Variants in SLCO3A1 observed in about 807,000 individuals in gnomAD.
The protein encoded by SLCO3A1 is solute carrier organic anion transporter family member 3A1.
A neutral mutation model predicts 63.1 loss-of-function variants in SLCO3A1; 27 were observed. That is an observed-to-expected ratio of 0.43 (90% CI 0.32 to 0.59). The LOEUF is 0.59. Among genes scored for constraint, SLCO3A1 ranks in the 20% least tolerant of loss-of-function variants. SLCO3A1 has a pLI of 0.09. For synonymous variants in SLCO3A1, 473 were observed against 409.9 expected, an observed-to-expected ratio of 1.15 and a Z score of -1.86; for missense variants, 773 against 945.8, an observed-to-expected ratio of 0.82 and a Z score of 2.40.
At chr15:92,095,532 TC>T (rs1289062219) in intron 3 of SLCO3A1, among the ~76,000 whole-genome samples, 2 of 152,208 alleles carry the variant, frequency 1.3e-5, no homozygotes, top group East Asian at 1.9e-4. Context: ...GAACCTGTGT[TC>T]TTAGCAGGAA....
At chr15:91,955,244 T>C (rs373575658) in intron 2 of SLCO3A1, among the ~76,000 whole-genome samples, 1 of 152,100 alleles carries the variant, frequency 6.6e-6, no homozygotes, top group Admixed American at 6.6e-5. Flanking sequence ...CAAGATGTGG[T>C]AGGGTTGGGA....
intron 2 of SLCO3A1, among the ~76,000 whole-genome samples, chr15:92,048,717 G>C (rs985117140): frequency 1.3e-5 from 2 of 152,146 alleles, no homozygotes; most frequent in African/African-American, 4.8e-5. Context: ...TGGCCAACAT[G>C]GTGAAACCCC....
chr15:91,911,925 G>A (rs900408469), intron 1 of SLCO3A1, among the ~76,000 whole-genome samples: 2 of 151,952 alleles, frequency 1.3e-5, no homozygotes, highest in Non-Finnish European at 1.5e-5. Flanking sequence ...GCGCCCGGCC[G>A]GGACATCTAT....
intron 2 of SLCO3A1, among the ~76,000 whole-genome samples, chr15:91,993,408 T>G (rs2046151686): frequency 6.6e-6 from 1 of 152,186 alleles, no homozygotes; most frequent in African/African-American, 2.4e-5. Flanking sequence ...ATAGAGATAA[T>G]GACTTAGAGT....
intron 2 of SLCO3A1, among the ~76,000 whole-genome samples, chr15:92,069,005 C>T (rs2047183685): frequency 6.6e-6 from 1 of 152,080 alleles, no homozygotes; most frequent in African/African-American, 2.4e-5. Flanking sequence ...CTGTGCTGGG[C>T]GATAGGGAGA....
At chr15:91,926,608 CG>C (rs1567189465) in intron 2 of SLCO3A1, among the ~76,000 whole-genome samples, 89 of 84,382 alleles carry the variant, frequency 1.1e-3, no homozygotes, top group East Asian at 6.5e-3. Context: ...CGCGCGCGCA[CG>C]CCCATGCTTA....
chr15:92,006,050 G>A (rs998855169), intron 2 of SLCO3A1, among the ~76,000 whole-genome samples: 2 of 152,138 alleles, frequency 1.3e-5, no homozygotes, highest in African/African-American at 4.8e-5. Flanking sequence ...TCTGTTAGCA[G>A]CTGAGTTGCT....
chr15:92,072,105 A>G (rs767337335), intron 2 of SLCO3A1, among the ~76,000 whole-genome samples: 2 of 152,150 alleles, frequency 1.3e-5, no homozygotes, highest in Non-Finnish European at 2.9e-5. Flanking sequence ...CAGTTAGTTC[A>G]TAGGTTTCAA....
intron 2 of SLCO3A1, among the ~76,000 whole-genome samples, chr15:91,995,365 G>C (rs2046178420): frequency 6.6e-6 from 1 of 152,152 alleles, no homozygotes. Context: ...TCCTTGTGAG[G>C]AGCCCATGGG....
In SLCO3A1 at chr15:91,916,376, C is replaced by T. The variant is rs1255779219; in HGVS notation, c.564C>T (p.Gly188=). The T allele has an allele frequency of 2.5e-6, 4 of 1,612,830 alleles. No homozygotes were observed. Among genetic ancestry groups the T allele is most frequent in the Non-Finnish European group, 3.4e-6 (4 of 1,179,764 alleles). Residue 188 remains glycine (G), a synonymous_variant, in exon 2 of 10, where the codon GGC becomes GGT. Coordinates refer to ENST00000318445, the MANE Select transcript of SLCO3A1 (RefSeq NM_013272.4). This position sits in a 1 kb window ranked among gnomAD's most constrained non-coding sequence, Gnocchi z 6.2. The part of the protein sequence containing the change: ...LLLIGAQVLL[G]IGATPVQPLG... ...TCATTGGGGCCCAGGTGCTCCTGGGCATCGGTGCTACCCCTGTGCAGCCCC... is the reference window on the plus strand; with the variant it reads ...TCATTGGGGCCCAGGTGCTCCTGGGTATCGGTGCTACCCCTGTGCAGCCCC...
chr15:91,926,604 C>CGT (rs1899036956), intron 2 of SLCO3A1, among the ~76,000 whole-genome samples: 2 of 43,670 alleles, frequency 4.6e-5, no homozygotes, highest in East Asian at 2.4e-3. Context: ...TGTGCGCGCG[C>CGT]GCACGCCCAT....
rs1186010103 is a variant in SLCO3A1, at chr15:91,865,515, A to C, written c.180+11427A>C. ...TTTTTGTCTGACAGTCCTGCAGGCC[A>C]GAAGTCTGAAATCAGGGCATCAGCA... On this transcript the variant is annotated intron_variant, in intron 1 of 9. Coordinates refer to ENST00000318445, the MANE Select transcript of SLCO3A1 (RefSeq NM_013272.4). This position sits in a 1 kb window ranked among gnomAD's most constrained non-coding sequence, Gnocchi z 4.6. Among the ~76,000 whole-genome samples the C allele has an allele frequency of 6.6e-6, 1 of 152,242 alleles. No homozygotes were observed. Among genetic ancestry groups the C allele is most frequent in the Admixed American group, 6.5e-5 (1 of 15,290 alleles).
chr15:91,901,904 A>T (rs1898166681), intron 1 of SLCO3A1, among the ~76,000 whole-genome samples: 1 of 147,702 alleles, frequency 6.8e-6, no homozygotes. Context: ...TATTTCTTCA[A>T]TTTTTTTTTC....
At chr15:92,094,794 T>G (rs988592542) in intron 2 of SLCO3A1, 87 bp from the exon 3 acceptor site, 1 of 818,516 alleles carries the variant, frequency 1.2e-6, no homozygotes, top group Non-Finnish European at 2.1e-6. Flanking sequence ...ATCTCATCAA[T>G]GTAAAATAAT....
intron 2 of SLCO3A1, among the ~76,000 whole-genome samples, chr15:92,063,109 G>A (rs1350228397): frequency 6.6e-6 from 1 of 152,214 alleles, no homozygotes; most frequent in African/African-American, 2.4e-5. Context: ...TAAATACTAA[G>A]CTCCAGGCTA....
chr15:92,045,162 C>T (rs190066868), intron 2 of SLCO3A1, among the ~76,000 whole-genome samples: 2 of 152,026 alleles, frequency 1.3e-5, no homozygotes, highest in African/African-American at 4.8e-5. Flanking sequence ...CACCTGTAGT[C>T]CCAGCTACTC....
At chr15:92,167,179 T>C (rs2048498127), downstream of SLCO3A1, among the ~76,000 whole-genome samples, 1 of 152,252 alleles carries the variant, frequency 6.6e-6, no homozygotes, top group Non-Finnish European at 1.5e-5. Context: ...CCTGGTGCTA[T>C]TCTTACCTGA....
chr15:91,972,194 A>C (rs1323673665), intron 2 of SLCO3A1, among the ~76,000 whole-genome samples: 1 of 152,126 alleles, frequency 6.6e-6, no homozygotes, highest in Admixed American at 6.5e-5. Context: ...AGTCGTATGG[A>C]GAAGTCTCCA....
rs189346672 is a variant in SLCO3A1 at position 92,109,771 on chromosome 15, G to A, written c.1009+5229G>A. ...GAGTTATGATTTCCGGAGCTCTGGC[G>A]TCGACCTCCCATTTGGCCCCCACAG... On this transcript the variant is annotated intron_variant, in intron 4 of 9. Transcript: ENST00000318445. Among the ~76,000 whole-genome samples, 181 of 152,096 alleles carry A rather than the reference G, an allele frequency of 1.2e-3. 2 individuals are homozygous for A. Among genetic ancestry groups the A allele is most frequent in the African/African-American group, 3.7e-3 (152 of 41,502 alleles).
Sources: gnomAD v4.1 joint callset for allele counts (sites outside exome capture counted in the v4.1 genomes callset) on GRCh38, gnomAD v4.1.1 for gene constraint, Gnocchi (gnomAD v3.1) non-coding constraint, MANE v1.5 for transcripts, NCBI Gene and HGNC (gene_info 2026-07-23, HGNC 2026-07-21) for gene names.